GFOD1: variants seen among roughly 807,000 people sequenced by gnomAD.
GFOD1 encodes the protein Gfo/Idh/MocA-like oxidoreductase domain containing 1, also known as glucose-fructose oxidoreductase domain-containing protein 1.
GFOD1 carries 9 observed loss-of-function variants against 25.4 expected under a neutral mutation model. The ratio of observed to expected loss-of-function variants is 0.35; its 90% CI spans 0.21 to 0.62. The LOEUF is 0.62. Ranked by LOEUF, GFOD1 falls within the 20% of genes least tolerant of loss-of-function variation. The pLI is 0.72. For synonymous variants in GFOD1, 253 were observed against 245.6 expected, an observed-to-expected ratio of 1.03 and a Z score of -0.28; for missense variants, 403 against 556.9, an observed-to-expected ratio of 0.72 and a Z score of 2.78.
At chr6:13,393,096 C>T (rs1785648064) in intron 1 of GFOD1, among the ~76,000 whole-genome samples, 3 of 151,918 alleles carry the variant, frequency 2.0e-5, no homozygotes, top group Admixed American at 2.0e-4. Flanking sequence ...TGGCTCATGT[C>T]TGTAATCCCA....
At chr6:13,438,108 T>A (rs1384981715) in intron 1 of GFOD1, among the ~76,000 whole-genome samples, 1 of 152,216 alleles carries the variant, frequency 6.6e-6, no homozygotes, top group African/African-American at 2.4e-5. Context: ...AAGGGTTTAG[T>A]AGGCTACACA....
intron 1 of GFOD1, among the ~76,000 whole-genome samples, chr6:13,451,954 C>G (rs554536328): frequency 6.6e-6 from 1 of 152,308 alleles, no homozygotes; most frequent in Admixed American, 6.5e-5. Flanking sequence ...GGCTCCAGTT[C>G]AGCTCAGCAC....
intron 1 of GFOD1, among the ~76,000 whole-genome samples, chr6:13,388,519 T>A (rs538675263): frequency 6.2e-4 from 94 of 152,320 alleles, no homozygotes; most frequent in Non-Finnish European, 1.2e-3. Context: ...GGGAAAGAAT[T>A]CCCTATTTAA....
intron 1 of GFOD1, among the ~76,000 whole-genome samples, chr6:13,442,109 T>C (rs188006764): frequency 1.3e-5 from 2 of 152,332 alleles, no homozygotes; most frequent in East Asian, 3.9e-4. Context: ...GCAAACTCCA[T>C]ACAGACAGTG....
At chr6:13,439,523 T>A (rs936723565) in intron 1 of GFOD1, among the ~76,000 whole-genome samples, 4 of 152,206 alleles carry the variant, frequency 2.6e-5, no homozygotes, top group African/African-American at 9.6e-5. Flanking sequence ...GCACAGTAGC[T>A]CATCTTGTAA....
chr6:13,394,121 G>C (rs1320065679), intron 1 of GFOD1, among the ~76,000 whole-genome samples: 1 of 152,076 alleles, frequency 6.6e-6, no homozygotes, highest in Non-Finnish European at 1.5e-5. Context: ...GTGCAAGCTA[G>C]CTAACTGATA....
At chr6:13,465,271 T>A (rs1265211845) in intron 1 of GFOD1, among the ~76,000 whole-genome samples, 2 of 152,024 alleles carry the variant, frequency 1.3e-5, no homozygotes, top group African/African-American at 2.4e-5. Flanking sequence ...AGTTTATGAA[T>A]GTGTGTTGGG....
At chr6:13,469,292 T>C in intron 1 of GFOD1, 5 of 985,218 alleles carry the variant, frequency 5.1e-6, no homozygotes, top group Non-Finnish European at 6.0e-6. Context: ...CATACAAGAG[T>C]TTGCCATTTA....
chr6:13,438,377 C>T (rs535383564), intron 1 of GFOD1, among the ~76,000 whole-genome samples: 1 of 152,184 alleles, frequency 6.6e-6, no homozygotes, highest in Non-Finnish European at 1.5e-5. Flanking sequence ...TGCAATTACC[C>T]TCTTTACAAA....
intron 1 of GFOD1, among the ~76,000 whole-genome samples, chr6:13,437,732 A>C (rs1757855762): frequency 6.6e-6 from 1 of 152,206 alleles, no homozygotes; most frequent in African/African-American, 2.4e-5. Flanking sequence ...ACCATGGGCC[A>C]AAATACTGAT....
At chr6:13,486,019 C>T in intron 1 of GFOD1, 1 of 985,560 alleles carries the variant, frequency 1.0e-6, no homozygotes, top group Non-Finnish European at 1.2e-6. Flanking sequence ...GCCTCCAGCG[C>T]AGACGAAATA....
intron 1 of GFOD1, among the ~76,000 whole-genome samples, chr6:13,421,584 C>G (rs907320306): frequency 5.3e-5 from 8 of 152,182 alleles, no homozygotes; most frequent in African/African-American, 1.9e-4. Flanking sequence ...TCCACACTAT[C>G]CCAACCTCTA....
chr6:13,423,640 G>T (rs1011039395), intron 1 of GFOD1, among the ~76,000 whole-genome samples: 1 of 152,194 alleles, frequency 6.6e-6, no homozygotes, highest in African/African-American at 2.4e-5. Flanking sequence ...TAGGGTGCAG[G>T]TTACTGAGCC....
chr6:13,464,861 CGTGT>C (rs36218477), intron 1 of GFOD1, among the ~76,000 whole-genome samples: 2,078 of 146,804 alleles, frequency 0.014, 48 homozygotes, highest in African/African-American at 0.048. Flanking sequence ...TTCCTCTTTC[CGTGT>C]GTGTGTGTGT....
chr6:13,461,862 T>C (rs1254825487), intron 1 of GFOD1, among the ~76,000 whole-genome samples: 1 of 152,134 alleles, frequency 6.6e-6, no homozygotes, highest in South Asian at 2.1e-4. Context: ...CTCAGAGTGA[T>C]GGGCACCAAG....
At chr6:13,367,148 C>T (rs1455727103) in intron 1 of GFOD1, among the ~76,000 whole-genome samples, 1 of 151,778 alleles carries the variant, frequency 6.6e-6, no homozygotes, top group Non-Finnish European at 1.5e-5. Flanking sequence ...TATTAAAAAT[C>T]ATATAGTGAA....
At chr6:13,379,108 G>T (rs1785310308) in intron 1 of GFOD1, among the ~76,000 whole-genome samples, 2 of 152,224 alleles carry the variant, frequency 1.3e-5, no homozygotes, top group South Asian at 4.1e-4. Context: ...GACGCAGTCT[G>T]TGCCAAGGCC....
chr6:13,359,104 A>G lies in GFOD1; in HGVS notation c.*5639T>C, dbSNP rs946492190. On this transcript the variant is annotated 3_prime_UTR_variant, in exon 2 of 2. Coordinates refer to ENST00000379287, the MANE Select transcript of GFOD1 (RefSeq NM_018988.4). ...AGCGCAGGAGGTCTTGACTCTTCCT[A>G]TGAGAAGTCCCAGAAGCCCCAGTCA... The G allele has an allele frequency of 3.3e-5, 5 of 152,264 alleles. No individual in the cohort carries two copies. The highest frequency in any genetic ancestry group is 7.3e-5 in the Non-Finnish European group (5 of 68,106). 9.4% of individuals were successfully genotyped at this position (152,264 alleles called of 1,614,324 possible).
In GFOD1 at chr6:13,365,602, G is replaced by T. The variant is rs1427327100; in HGVS notation, c.314C>A (p.Thr105Asn). Residue 105 changes from threonine to asparagine, a missense_variant, in exon 2 of 2, where the codon ACC (threonine) becomes AAC (asparagine). Physicochemically the swap from Thr to Asn is moderately conservative, Grantham distance 65. Transcript: ENST00000379287. The surrounding 1 kb of genome is among the most constrained non-coding windows in gnomAD (Gnocchi z 9.2). The part of the protein sequence containing the change: ...TATPLDAFRM[T>N]SAAHYYPKLM... Reference sequence around the variant, plus strand: ...CTTGGGGTAGTAGTGGGCGGCCGAGGTCATGCGGAAAGCGTCCAGCGGCGT... The same window carrying T: ...CTTGGGGTAGTAGTGGGCGGCCGAGTTCATGCGGAAAGCGTCCAGCGGCGT... 6.2e-7 allele frequency: 1 copy of T among 1,605,384 alleles called. No homozygotes were observed. Among genetic ancestry groups the T allele is most frequent in the Admixed American group, 1.7e-5 (1 of 60,030 alleles).
Sources: allele counts gnomAD v4.1 joint callset (sites outside exome capture counted in the v4.1 genomes callset), GRCh38; gene constraint gnomAD v4.1.1; non-coding constraint Gnocchi (gnomAD v3.1); transcripts MANE v1.5; gene names NCBI Gene and HGNC (gene_info 2026-07-23, HGNC 2026-07-21).